Variants in RTRAF observed in about 807,000 individuals in gnomAD.
The protein encoded by RTRAF is tRNA-splicing ligase complex subunit RTRAF.
A neutral mutation model predicts 34.4 loss-of-function variants in RTRAF; 14 were observed. The ratio of observed to expected loss-of-function variants is 0.41; its 90% CI spans 0.27 to 0.64. The LOEUF is 0.64. Among genes scored for constraint, RTRAF ranks in the 30% least tolerant of loss-of-function variants. The pLI, the probability that RTRAF is intolerant of heterozygous loss-of-function variation, is 0.34. For missense variants in RTRAF, 291 were observed against 288.4 expected, an observed-to-expected ratio of 1.01 and a Z score of -0.06; for synonymous variants, 96 against 95.3, an observed-to-expected ratio of 1.01 and a Z score of -0.04.
At chr14:51,989,818 C>T (rs991807778) in intron 1 of RTRAF, 118 bp downstream of exon 1, 19 of 991,716 alleles carry the variant, frequency 1.9e-5, no homozygotes, top group South Asian at 3.2e-5. Flanking sequence ...CGCCGGCAGC[C>T]TCCGGGCCCC....
intron 3 of RTRAF, 44 bp from the exon 4 acceptor site, chr14:51,998,450 T>G: frequency 8.4e-7 from 1 of 1,194,612 alleles, no homozygotes; most frequent in Non-Finnish European, 1.2e-6. Flanking sequence ...TCATTTTACC[T>G]TGAGTTGCAG....
Position 52,005,511 on chromosome 14 carries a change from CA to C in RTRAF, c.*996del. ...TTACTTTCTTCCTGTGAGAGAAGAG[CA>C]GGGGTGGGACAGGGTGGTGGGTGAG... On this transcript the variant is annotated 3_prime_UTR_variant, in exon 8 of 8. Coordinates refer to ENST00000261700, the MANE Select transcript of RTRAF (RefSeq NM_016039.3). 6.3e-7 allele frequency: 1 copy of C among 1,596,040 alleles called. No homozygotes were observed. Among genetic ancestry groups the C allele is most frequent in the South Asian group, 1.1e-5 (1 of 87,620 alleles).
At chr14:51,992,505 A>G (rs763714517) in intron 2 of RTRAF, among the ~76,000 whole-genome samples, 3 of 152,224 alleles carry the variant, frequency 2.0e-5, no homozygotes, top group Non-Finnish European at 4.4e-5. Context: ...TCCCTGGCGC[A>G]TAGCAAGTGT....
chr14:52,002,436 C>T (rs931180672), intron 6 of RTRAF, among the ~76,000 whole-genome samples: 4 of 152,174 alleles, frequency 2.6e-5, no homozygotes, highest in Admixed American at 2.0e-4. Context: ...TGGATGTCTG[C>T]ATGAGCTTGT....
At chr14:51,996,372 T>A (rs1168532037) in intron 3 of RTRAF, among the ~76,000 whole-genome samples, 2 of 152,120 alleles carry the variant, frequency 1.3e-5, no homozygotes, top group Non-Finnish European at 1.5e-5. Flanking sequence ...ATATGTTGCC[T>A]CCTTGACTTT....
chr14:51,991,584 T>G (rs1890435714), intron 2 of RTRAF, 143 bp downstream of exon 2: 1 of 918,886 alleles, frequency 1.1e-6, no homozygotes, highest in African/African-American at 1.7e-5. Flanking sequence ...TTTTGCTTTT[T>G]TCTTAGATGT....
At position 52,010,425 on chromosome 14, in the gene RTRAF, C is replaced by G. The variant is rs1231954814; in HGVS notation, c.*5909C>G. ...TATCTTGATTTCTGCTACAGCAACA[C>G]TGAAGCCAGAGGTGTCTGAGCTTTG... On this transcript the variant is annotated 3_prime_UTR_variant, in exon 8 of 8. Coordinates refer to ENST00000261700, the MANE Select transcript of RTRAF (RefSeq NM_016039.3). 3.2e-5 allele frequency: 5 copies of G among 154,824 alleles called. No homozygotes were observed. The highest frequency in any genetic ancestry group is 7.2e-5 in the Non-Finnish European group (5 of 69,626). The allele number at this position is 154,824 out of a possible 1,614,324, so 9.6% of individuals were successfully genotyped here.
chr14:52,001,725 TCTC>T, intron 5 of RTRAF, 70 bp from the exon 6 acceptor site: 1 of 1,171,800 alleles, frequency 8.5e-7, no homozygotes, highest in Non-Finnish European at 1.2e-6. Context: ...GCATCCTTAT[TCTC>T]TGGGCTCATA....
chr14:52,000,909 G>A (rs1181115370), intron 5 of RTRAF, among the ~76,000 whole-genome samples: 1 of 152,148 alleles, frequency 6.6e-6, no homozygotes, highest in African/African-American at 2.4e-5. Context: ...AGGGGATAAA[G>A]TATAAATCAA....
chr14:51,997,158 C>A (rs1253105847), intron 3 of RTRAF, among the ~76,000 whole-genome samples: 2 of 151,966 alleles, frequency 1.3e-5, no homozygotes, highest in African/African-American at 4.8e-5. Context: ...ATAAATATAT[C>A]TTGTGGGGAG....
chr14:52,003,099 G>C (rs1890630475), intron 6 of RTRAF, among the ~76,000 whole-genome samples: 1 of 152,100 alleles, frequency 6.6e-6, no homozygotes, highest in African/African-American at 2.4e-5. Context: ...GTAAAATTTA[G>C]TTTTATTTTT....
At chr14:51,993,371 T>A (rs1890465652) in intron 2 of RTRAF, among the ~76,000 whole-genome samples, 1 of 152,158 alleles carries the variant, frequency 6.6e-6, no homozygotes, top group African/African-American at 2.4e-5. Flanking sequence ...TGTATATCCT[T>A]TTTAAAGTTA....
rs866964267 is a variant in RTRAF at position 52,010,669 on chromosome 14, A to G, written c.*6153A>G. The G allele has an allele frequency of 6.1e-5, 32 of 525,646 alleles. No homozygotes were observed. In the Middle Eastern group the frequency reaches 2.5e-3, roughly 41 times the overall value. The allele number at this position is 525,646 out of a possible 1,614,324, so 32.6% of individuals were successfully genotyped here. On this transcript the variant is annotated 3_prime_UTR_variant, in exon 8 of 8. Transcript: ENST00000261700. Reference sequence around the variant, plus strand: ...GTTTATACCAGTCTTGTTTCCTCCTAATAAAATATAAGTGCCATGAAAGAA... The same window carrying G: ...GTTTATACCAGTCTTGTTTCCTCCTGATAAAATATAAGTGCCATGAAAGAA...
In RTRAF at chr14:52,006,436, G is replaced by T; in HGVS notation, c.*1920G>T. On this transcript the variant is annotated 3_prime_UTR_variant, in exon 8 of 8. Transcript: ENST00000261700. ...GGTGATGAAACAAAAGCCTCAGAGG[G>T]CTTAATGAGTCAAGTCAGGTACTGA... 2 of 1,361,778 alleles carry T rather than the reference G, an allele frequency of 1.5e-6. No individual in the cohort carries two copies. The highest frequency in any genetic ancestry group is 4.0e-5 in the Admixed American group (2 of 50,428). 84.4% of individuals were successfully genotyped at this position (1,361,778 alleles called of 1,614,324 possible).
At chr14:51,996,768 A>G (rs1890527910) in intron 3 of RTRAF, among the ~76,000 whole-genome samples, 1 of 152,048 alleles carries the variant, frequency 6.6e-6, no homozygotes, top group South Asian at 2.1e-4. Context: ...TTGATATACT[A>G]TTATTTATTC....
intron 3 of RTRAF, chr14:51,998,070 A>G (rs117761748): frequency 0.027 from 4,103 of 153,206 alleles, 89 homozygotes; most frequent in Non-Finnish European, 0.035. Flanking sequence ...ATGCTTATAC[A>G]GGTTAAGCAT....
Position 52,004,186 on chromosome 14 carries a change from T to C in RTRAF, c.532-8T>C, listed in dbSNP as rs189883083. 2.5e-6 allele frequency: 4 copies of C among 1,609,302 alleles called. No individual in the cohort carries two copies. In the Admixed American group the frequency reaches 6.7e-5, roughly 27 times the overall value. ...AAATACTCTCATTTTGTCTTTCTTTTTTTAAAGGGCTTACCTGTTGCTTTA... is the reference window on the plus strand; with the variant it reads ...AAATACTCTCATTTTGTCTTTCTTTCTTTAAAGGGCTTACCTGTTGCTTTA... On this transcript the variant is annotated splice_region_variant and splice_polypyrimidine_tract_variant and intron_variant, in intron 6 of 7. Transcript: ENST00000261700.
At position 52,005,823 on chromosome 14, in the gene RTRAF, T is replaced by C. The variant is rs139641562; in HGVS notation, c.*1307T>C. 3.7e-6 allele frequency: 6 copies of C among 1,613,208 alleles called. No individual in the cohort carries two copies. In the East Asian group the frequency reaches 1.3e-4, roughly 36 times the overall value. The stretch of plus-strand genomic sequence containing the variant: ...ATACTCATCAGTAAACTGGCCACTA[T>C]GTTTATTTACTGATACAACACCATC... On this transcript the variant is annotated 3_prime_UTR_variant, in exon 8 of 8. Coordinates refer to ENST00000261700, the MANE Select transcript of RTRAF (RefSeq NM_016039.3).
rs1890801130 is a variant in RTRAF, at chr14:52,006,751, G to A, written c.*2235G>A. 5.8e-6 allele frequency: 8 copies of A among 1,375,436 alleles called. No individual in the cohort carries two copies. The East Asian group carries it at 7.0e-5, about 12-fold the overall frequency. 85.2% of individuals were successfully genotyped at this position (1,375,436 alleles called of 1,614,324 possible). A position where few individuals can be genotyped will look rare whatever the true frequency, so the allele number is the denominator to read the frequency against. On this transcript the variant is annotated 3_prime_UTR_variant, in exon 8 of 8. Coordinates refer to ENST00000261700, the MANE Select transcript of RTRAF (RefSeq NM_016039.3). ...GATAGTGACACAGTGATAGAATGGG[G>A]AAATAGGATATTTTACTTCCATTAC...
Sources: allele counts gnomAD v4.1 joint callset (sites outside exome capture counted in the v4.1 genomes callset), GRCh38; gene constraint gnomAD v4.1.1; transcripts MANE v1.5; gene names NCBI Gene and HGNC (gene_info 2026-07-23, HGNC 2026-07-21).